Variants in CFAP61 observed in about 807,000 individuals in gnomAD.
CFAP61 encodes the protein cilia- and flagella-associated protein 61.
CFAP61 carries 107 observed loss-of-function variants against 135.6 expected under a neutral mutation model. That is an observed-to-expected ratio of 0.79 (90% confidence interval 0.67 to 0.93). The LOEUF (loss-of-function observed/expected upper bound fraction) is 0.93. Among genes scored for constraint, CFAP61 ranks in the 40% least tolerant of loss-of-function variants. CFAP61 has a pLI of 0.00. For synonymous variants in CFAP61, 575 were observed against 578.5 expected (o/e 0.99, Z 0.09); for missense variants, 1,507 against 1,556.2 (o/e 0.97, Z 0.53).
intron 8 of CFAP61, among the ~76,000 whole-genome samples, chr20:20,099,155 A>AC (rs1555856122): frequency 6.6e-6 from 1 of 151,172 alleles, no homozygotes; most frequent in Non-Finnish European, 1.5e-5. Context: ...ACACACACAC[A>AC]ACCAAATACA....
intron 17 of CFAP61, among the ~76,000 whole-genome samples, chr20:20,213,592 A>G (rs1569140577): frequency 2.0e-5 from 3 of 152,136 alleles, no homozygotes; most frequent in African/African-American, 7.2e-5. Flanking sequence ...GCTCTACTCA[A>G]CAGATGTGTA....
chr20:20,174,317 C>G (rs1431055910), intron 13 of CFAP61, among the ~76,000 whole-genome samples: 5 of 152,166 alleles, frequency 3.3e-5, no homozygotes, highest in Non-Finnish European at 7.3e-5. Context: ...ACCTCTGTAG[C>G]TTCTCTGAGT....
intron 25 of CFAP61, among the ~76,000 whole-genome samples, chr20:20,305,146 C>T (rs1030017529): frequency 3.3e-5 from 5 of 152,234 alleles, no homozygotes; most frequent in Non-Finnish European, 5.9e-5. Context: ...CCCGCACACG[C>T]CGGTGGCCTA....
chr20:20,196,609 T>C lies in CFAP61; in HGVS notation c.1630T>C (p.Phe544Leu). The C allele has an allele frequency of 6.2e-7, 1 of 1,614,122 alleles. No individual in the cohort carries two copies. The highest frequency in any genetic ancestry group is 8.5e-7 in the Non-Finnish European group (1 of 1,180,004). ...ACGGTCCCATTACAACATTGAAGAT[T>C]TCATCTACTTCAGTCACCACCAGCG... ...YIRSHYNIED[F>L]IYFSHHQREE... Residue 544 changes from phenylalanine to leucine, a missense_variant, in exon 16 of 27, where the codon TTC becomes CTC. Coordinates refer to ENST00000245957, the MANE Select transcript of CFAP61 (RefSeq NM_015585.4).
intron 6 of CFAP61, among the ~76,000 whole-genome samples, chr20:20,077,126 C>T (rs937088569): frequency 6.6e-5 from 10 of 152,178 alleles, no homozygotes; most frequent in African/African-American, 1.4e-4. Context: ...AAGACAGCTT[C>T]ATTACAACTG....
intron 25 of CFAP61, among the ~76,000 whole-genome samples, chr20:20,315,886 C>T (rs1289993517): frequency 6.6e-6 from 1 of 152,106 alleles, no homozygotes; most frequent in Non-Finnish European, 1.5e-5. Flanking sequence ...TGTTCTGTTC[C>T]ATTGATCTGG....
chr20:20,198,290 G>A (rs1031888497), intron 16 of CFAP61, among the ~76,000 whole-genome samples: 1 of 152,200 alleles, frequency 6.6e-6, no homozygotes, highest in African/African-American at 2.4e-5. Flanking sequence ...GTGACCTTCA[G>A]GATGTGATAT....
chr20:20,262,385 C>A (rs1199878218), intron 20 of CFAP61, among the ~76,000 whole-genome samples: 3 of 152,240 alleles, frequency 2.0e-5, no homozygotes, highest in African/African-American at 7.2e-5. Flanking sequence ...GAAGCCCAAG[C>A]TACATGGAGA....
rs762660849 is a variant in CFAP61 at position 20,290,405 on chromosome 20, C to T, written c.3216+14C>T. On this transcript the variant is annotated intron_variant, in intron 24 of 26. Coordinates refer to ENST00000245957, the MANE Select transcript of CFAP61 (RefSeq NM_015585.4). ...CAGCCTAATTATGTAAGTATTATTT[C>T]TGAATTTCATTTTACTTTCAAATAC... The T allele has an allele frequency of 1.3e-6, 2 of 1,519,474 alleles. No homozygotes were observed. Among genetic ancestry groups the T allele is most frequent in the Non-Finnish European group, 1.8e-6 (2 of 1,094,734 alleles). 94.1% of individuals were successfully genotyped at this position (1,519,474 alleles called of 1,614,324 possible). A position where few individuals can be genotyped will look rare whatever the true frequency, so the allele number is the denominator to read the frequency against.
At chr20:20,099,680 CT>C (rs1287432556) in intron 8 of CFAP61, among the ~76,000 whole-genome samples, 1 of 152,026 alleles carries the variant, frequency 6.6e-6, no homozygotes, top group Non-Finnish European at 1.5e-5. Flanking sequence ...ATTATTTTTT[CT>C]TTGTGTCGGC....
chr20:20,322,126 G>A (rs191814367), intron 25 of CFAP61, among the ~76,000 whole-genome samples: 2 of 152,310 alleles, frequency 1.3e-5, no homozygotes, highest in Admixed American at 1.3e-4. Flanking sequence ...TGCTAGACAT[G>A]TGAGTGAAGA....
At chr20:20,060,687 C>T (rs2146540829) in intron 2 of CFAP61, among the ~76,000 whole-genome samples, 1 of 152,328 alleles carries the variant, frequency 6.6e-6, no homozygotes, top group South Asian at 2.1e-4. Flanking sequence ...AGAATCATGG[C>T]TCGCCTTATG....
intron 25 of CFAP61, among the ~76,000 whole-genome samples, chr20:20,306,065 G>T (rs1022161567): frequency 2.6e-5 from 4 of 152,162 alleles, no homozygotes; most frequent in African/African-American, 9.7e-5. Context: ...ATGAAAACTA[G>T]GGGTCTTTTT....
chr20:20,294,971 A>AATT (rs1396663404), intron 24 of CFAP61, among the ~76,000 whole-genome samples: 1 of 147,914 alleles, frequency 6.8e-6, no homozygotes, highest in Non-Finnish European at 1.5e-5. Context: ...TAATAATAAT[A>AATT]ATAATACCAA....
At chr20:20,155,344 ACT>A (rs1219274802) in intron 9 of CFAP61, among the ~76,000 whole-genome samples, 3 of 152,058 alleles carry the variant, frequency 2.0e-5, no homozygotes, top group Admixed American at 6.5e-5. Context: ...ATTGGAAAAA[ACT>A]CTTCTAGACA....
intron 9 of CFAP61, 88 bp from the exon 10 acceptor site, chr20:20,159,282 C>T: frequency 8.3e-7 from 1 of 1,204,480 alleles, no homozygotes. Flanking sequence ...GAGCCAGGGT[C>T]TGAACCCTGG....
intron 17 of CFAP61, among the ~76,000 whole-genome samples, chr20:20,200,435 C>A (rs1190035167): frequency 6.6e-6 from 1 of 152,186 alleles, no homozygotes; most frequent in Non-Finnish European, 1.5e-5. Context: ...AGTTTCTGAC[C>A]TTAAAATGAA....
rs1167026135 is a variant in CFAP61 at position 20,052,555 on chromosome 20, A to C, written c.-73A>C. 6.2e-7 allele frequency: 1 copy of C among 1,614,074 alleles called. No individual in the cohort carries two copies. Reference sequence around the variant, plus strand: ...CCAGGCTGCGCGTCCTCCTTGCGGCAGCGCGTGGAGTGCGGCGTCCTGGAG... The same window carrying C: ...CCAGGCTGCGCGTCCTCCTTGCGGCCGCGCGTGGAGTGCGGCGTCCTGGAG... On this transcript the variant is annotated 5_prime_UTR_variant, in exon 1 of 27. Coordinates refer to ENST00000245957, the MANE Select transcript of CFAP61 (RefSeq NM_015585.4).
At chr20:20,304,718 G>T (rs1030740160) in intron 25 of CFAP61, among the ~76,000 whole-genome samples, 3 of 152,010 alleles carry the variant, frequency 2.0e-5, no homozygotes, top group Non-Finnish European at 4.4e-5. Context: ...CACCGGGCGC[G>T]AAAGGACCTT....
Sources: allele counts gnomAD v4.1 joint callset (sites outside exome capture counted in the v4.1 genomes callset), GRCh38; gene constraint gnomAD v4.1.1; transcripts MANE v1.5; gene names NCBI Gene and HGNC (gene_info 2026-07-23, HGNC 2026-07-21).